The following GABRB1 variants were observed in gnomAD, a reference collection of about 807,000 sequenced individuals.
The protein encoded by GABRB1 is gamma-aminobutyric acid type A receptor subunit beta1.
In GABRB1, 17 loss-of-function variants were observed where a neutral mutation model predicts 51.6. That is an observed-to-expected ratio of 0.33 (90% CI 0.23 to 0.49). The LOEUF (loss-of-function observed/expected upper bound fraction) is 0.49, where lower values mean the gene tolerates loss of function less well. Ranked by LOEUF, GABRB1 falls within the 20% of genes least tolerant of loss-of-function variation. GABRB1 has a pLI of 0.99. For missense variants in GABRB1, 410 were observed against 600.6 expected, an observed-to-expected ratio of 0.68 and a Z score of 3.32; for synonymous variants, 247 against 218.9, an observed-to-expected ratio of 1.13 and a Z score of -1.14.
chr4:47,322,210 A>G (rs563441711), intron 5 of GABRB1, among the ~76,000 whole-genome samples: 1 of 152,354 alleles, frequency 6.6e-6, no homozygotes, highest in South Asian at 2.1e-4. Flanking sequence ...ACCCAGGCAT[A>G]TGACAATCAT....
At chr4:47,126,016 A>T (rs1716122951) in intron 3 of GABRB1, among the ~76,000 whole-genome samples, 1 of 151,364 alleles carries the variant, frequency 6.6e-6, no homozygotes, top group African/African-American at 2.4e-5. Context: ...ATATATGTAT[A>T]CATACATATA....
intron 4 of GABRB1, among the ~76,000 whole-genome samples, chr4:47,290,216 A>C (rs1279949515): frequency 1.3e-5 from 2 of 152,210 alleles, no homozygotes; most frequent in Non-Finnish European, 2.9e-5. Context: ...AGGTAATTGA[A>C]TCATGGGGGC....
chr4:47,046,490 G>T (rs1726095976), intron 3 of GABRB1, among the ~76,000 whole-genome samples: 1 of 152,038 alleles, frequency 6.6e-6, no homozygotes, highest in African/African-American at 2.4e-5. Flanking sequence ...AAATCTCACT[G>T]AGAAGGTAAG....
chr4:47,018,841 A>G (rs7659639), intron 1 of GABRB1, among the ~76,000 whole-genome samples: 97,565 of 151,942 alleles, frequency 0.64, 31,749 homozygotes, highest in East Asian at 0.79. Context: ...TGATTTTGTC[A>G]TCTCAGGAAT....
intron 5 of GABRB1, among the ~76,000 whole-genome samples, chr4:47,352,001 G>A (rs1298485802): frequency 6.6e-6 from 1 of 152,024 alleles, no homozygotes; most frequent in East Asian, 1.9e-4. Flanking sequence ...TTCCACAATG[G>A]TTGAACTAGT....
intron 4 of GABRB1, among the ~76,000 whole-genome samples, chr4:47,288,159 C>T (rs2109917567): frequency 6.6e-6 from 1 of 152,148 alleles, no homozygotes; most frequent in African/African-American, 2.4e-5. Flanking sequence ...TCTAGTGTCG[C>T]ACTAATCACA....
At chr4:47,320,721 G>A (rs1260029885) in intron 5 of GABRB1, among the ~76,000 whole-genome samples, 3 of 148,368 alleles carry the variant, frequency 2.0e-5, no homozygotes, top group African/African-American at 7.4e-5. Flanking sequence ...ACTAATTTTC[G>A]TTTGTCCTCT....
rs955117665 is a variant in GABRB1, at chr4:47,420,765, A to G, written c.1081-4909A>G. Among the ~76,000 whole-genome samples, 3 of 152,158 alleles carry G rather than the reference A, an allele frequency of 2.0e-5. No individual in the cohort carries two copies. The South Asian group carries it at 6.2e-4, about 31-fold the overall frequency. On this transcript the variant is annotated intron_variant, in intron 8 of 8. Coordinates refer to ENST00000295454, the MANE Select transcript of GABRB1 (RefSeq NM_000812.4). Reference sequence around the variant, plus strand: ...TAGATGCCCTGATATGGTTGAGGCAAAGGGAAAGCCACTCTTCTCCAAGGG... The same window carrying G: ...TAGATGCCCTGATATGGTTGAGGCAGAGGGAAAGCCACTCTTCTCCAAGGG...
intron 5 of GABRB1, among the ~76,000 whole-genome samples, chr4:47,326,435 AT>A (rs1361614500): frequency 1.3e-5 from 2 of 152,216 alleles, no homozygotes; most frequent in Non-Finnish European, 2.9e-5. Context: ...ATTACATTAT[AT>A]TTTTATAACT....
intron 4 of GABRB1, among the ~76,000 whole-genome samples, chr4:47,175,728 T>C (rs1014862850): frequency 9.9e-5 from 15 of 152,214 alleles, no homozygotes; most frequent in Admixed American, 9.2e-4. Context: ...TGGATAATAC[T>C]TTTTCACTGT....
intron 3 of GABRB1, among the ~76,000 whole-genome samples, chr4:47,080,270 C>T (rs907285971): frequency 7.4e-5 from 11 of 149,418 alleles, no homozygotes; most frequent in African/African-American, 2.7e-4. Flanking sequence ...AAACTCCATC[C>T]TTTCTGTGGC....
At chr4:47,397,719 A>C (rs1311034074) in intron 5 of GABRB1, among the ~76,000 whole-genome samples, 1 of 151,712 alleles carries the variant, frequency 6.6e-6, no homozygotes, top group Non-Finnish European at 1.5e-5. Context: ...GGTGCCTGCC[A>C]CCATGCTCAG....
chr4:47,298,376 C>A (rs953210991), intron 4 of GABRB1, among the ~76,000 whole-genome samples: 5 of 152,192 alleles, frequency 3.3e-5, no homozygotes, highest in Admixed American at 1.3e-4. Flanking sequence ...AGCTGATAAG[C>A]AACTTCAGCA....
intron 5 of GABRB1, among the ~76,000 whole-genome samples, chr4:47,355,042 G>C (rs1352226343): frequency 7.5e-6 from 1 of 133,382 alleles, no homozygotes; most frequent in East Asian, 2.3e-4. Context: ...ATGGAGTGCA[G>C]TGGCGCGATC....
intron 4 of GABRB1, among the ~76,000 whole-genome samples, chr4:47,184,898 G>C (rs1719108745): frequency 6.6e-6 from 1 of 151,814 alleles, no homozygotes; most frequent in African/African-American, 2.4e-5. Context: ...AGGCAGAGTA[G>C]CTGCAAAACA....
intron 4 of GABRB1, among the ~76,000 whole-genome samples, chr4:47,298,933 C>T (rs77303918): frequency 0.64 from 94,588 of 148,818 alleles, 30,357 homozygotes; most frequent in East Asian, 0.97. Context: ...GAAATAACGC[C>T]GCATATCTAC....
At chr4:47,379,334 A>G (rs892899622) in intron 5 of GABRB1, among the ~76,000 whole-genome samples, 26 of 152,158 alleles carry the variant, frequency 1.7e-4, no homozygotes, top group African/African-American at 6.3e-4. Context: ...TAGAAACCAT[A>G]CTTTGAGTAC....
intron 4 of GABRB1, among the ~76,000 whole-genome samples, chr4:47,297,404 CA>C (rs532872199): frequency 6.9e-6 from 1 of 145,714 alleles, no homozygotes; most frequent in African/African-American, 2.6e-5. Flanking sequence ...CAAATAGACA[CA>C]AAAAAAATGA....
chr4:47,134,566 G>A (rs961838901), intron 3 of GABRB1, among the ~76,000 whole-genome samples: 1 of 152,088 alleles, frequency 6.6e-6, no homozygotes, highest in Admixed American at 6.6e-5. Flanking sequence ...CTAAACAATT[G>A]TATTAGATTA....
Sources: gnomAD v4.1 joint callset for allele counts (sites outside exome capture counted in the v4.1 genomes callset) on GRCh38, gnomAD v4.1.1 for gene constraint, MANE v1.5 for transcripts, NCBI Gene and HGNC (gene_info 2026-07-23, HGNC 2026-07-21) for gene names.